Variants in FAM193A observed in about 807,000 individuals in gnomAD.
FAM193A encodes the protein protein FAM193A.
FAM193A carries 22 observed loss-of-function variants against 126.5 expected under a neutral mutation model. That is an observed-to-expected ratio of 0.17 (90% confidence interval 0.12 to 0.25). FAM193A has a LOEUF of 0.25. FAM193A is among the 10% of genes least tolerant of loss of function. The probability of loss-of-function intolerance (pLI) is 1.00; values close to 1 mark genes in which losing one functional copy is unlikely to be tolerated. For synonymous variants in FAM193A, 761 were observed against 646.8 expected (o/e 1.18, Z -2.68); for missense variants, 1,675 against 1,672.8 (o/e 1.00, Z -0.02).
Position 2,731,999 on chromosome 4 carries a change from C to T in FAM193A, c.*131C>T, listed in dbSNP as rs1056826758. 4 of 739,044 alleles carry T rather than the reference C, an allele frequency of 5.4e-6. No homozygotes were observed. The highest frequency in any genetic ancestry group is 4.8e-6 in the Non-Finnish European group (2 of 418,610). 45.8% of individuals were successfully genotyped at this position (739,044 alleles called of 1,614,324 possible). A position where few individuals can be genotyped will look rare whatever the true frequency, so the allele number is the denominator to read the frequency against. ...TGTGCGGAGCTGGTGCTGCCTGAAA[C>T]CCCAGACCGAGAAGTTGATGCTCGG... is the stretch of plus-strand genomic sequence containing the variant. On this transcript the variant is annotated 3_prime_UTR_variant, in exon 21 of 21. Coordinates refer to ENST00000637812, the MANE Select transcript of FAM193A (RefSeq NM_001366318.2).
intron 20 of FAM193A, among the ~76,000 whole-genome samples, chr4:2,721,903 C>T (rs1720206555): frequency 6.6e-6 from 1 of 152,204 alleles, no homozygotes; most frequent in South Asian, 2.1e-4. Flanking sequence ...TGAAGACGAA[C>T]AGACTGTCAC....
chr4:2,669,664 T>TC (rs1419271441), intron 12 of FAM193A, among the ~76,000 whole-genome samples: 10 of 152,170 alleles, frequency 6.6e-5, no homozygotes, highest in African/African-American at 1.9e-4. Flanking sequence ...AGCTTTAGAC[T>TC]CACAGCAAAG....
At chr4:2,685,005 G>A (rs749131286) in intron 13 of FAM193A, among the ~76,000 whole-genome samples, 3 of 152,156 alleles carry the variant, frequency 2.0e-5, no homozygotes, top group South Asian at 2.1e-4. Context: ...AATCTATACC[G>A]GAACCCAAGG....
chr4:2,690,598 G>A, intron 14 of FAM193A, 100 bp from the exon 15 acceptor site: 1 of 1,109,370 alleles, frequency 9.0e-7, no homozygotes, highest in Non-Finnish European at 1.3e-6. Flanking sequence ...GACTTCAGTA[G>A]CACCCCCAGT....
chr4:2,537,687 C>G (rs566608401), intron 1 of FAM193A, among the ~76,000 whole-genome samples: 2 of 152,308 alleles, frequency 1.3e-5, no homozygotes, highest in South Asian at 2.1e-4. Context: ...TTCGTTATTC[C>G]GTGCGCGTGA....
intron 2 of FAM193A, among the ~76,000 whole-genome samples, chr4:2,618,577 G>A (rs973621197): frequency 5.5e-5 from 8 of 144,830 alleles, no homozygotes; most frequent in African/African-American, 2.1e-4. Context: ...ATAGGTGCCC[G>A]CCACCATGCC....
At chr4:2,547,970 A>T (rs1737671599) in intron 1 of FAM193A, among the ~76,000 whole-genome samples, 1 of 151,302 alleles carries the variant, frequency 6.6e-6, no homozygotes, top group Admixed American at 6.6e-5. Flanking sequence ...CATAGTTTTA[A>T]TTTGCATCTC....
At chr4:2,680,657 T>C (rs1277712367) in intron 13 of FAM193A, among the ~76,000 whole-genome samples, 1 of 152,044 alleles carries the variant, frequency 6.6e-6, no homozygotes, top group Admixed American at 6.5e-5. Flanking sequence ...TACTTTTTTT[T>C]TTGAGACGGA....
At chr4:2,633,430 T>G (rs1326880225) in intron 5 of FAM193A, among the ~76,000 whole-genome samples, 7 of 151,490 alleles carry the variant, frequency 4.6e-5, no homozygotes, top group Non-Finnish European at 8.8e-5. Flanking sequence ...AAAAAAGAAA[T>G]AATTTCTTGT....
rs754893806 is a variant in FAM193A, at chr4:2,700,463, G to C, written c.4291G>C (p.Val1431Leu). The change falls in exon 19 of 21, where the codon GTG becomes CTG. Residue 1431 changes from valine (V) to leucine (L), a missense_variant. Val to Leu is a conservative substitution (Grantham distance 32, BLOSUM62 1). Transcript: ENST00000637812. ...PGEHQQNSKLVLAESPQPKGK... is the reference protein window; with the variant it reads ...PGEHQQNSKLLLAESPQPKGK... ...TGAGCATCAGCAGAACAGCAAGCTG[G>C]TGCTGGCAGAGTCCCCTCAGCCAAA... 2 of 1,614,152 alleles carry C rather than the reference G, an allele frequency of 1.2e-6. No individual in the cohort carries two copies. Among genetic ancestry groups the C allele is most frequent in the Admixed American group, 3.3e-5 (2 of 60,022 alleles).
In FAM193A at chr4:2,639,658, G is replaced by A; in HGVS notation, c.1039-77G>A. On this transcript the variant is annotated intron_variant, in intron 5 of 20. Transcript: ENST00000637812. Reference sequence around the variant, plus strand: ...GGTGGGGGGAAATGGGGAGGGGGGAGGGAATCCCTCTGGGAATTTTCTAGT... The same window carrying A: ...GGTGGGGGGAAATGGGGAGGGGGGAAGGAATCCCTCTGGGAATTTTCTAGT... The A allele has an allele frequency of 1.5e-5, 17 of 1,163,194 alleles. No individual in the cohort carries two copies. The South Asian group carries it at 2.4e-4, about 16-fold the overall frequency. 72.1% of individuals were successfully genotyped at this position (1,163,194 alleles called of 1,614,324 possible).
chr4:2,731,440 C>T lies in FAM193A; in HGVS notation c.4455-335C>T, dbSNP rs138354955. On this transcript the variant is annotated intron_variant, in intron 20 of 20. Transcript: ENST00000637812. ...AGTTGAAGTGATTTGCCCTCCTCAG[C>T]CTCCCAAAGTGCTGGGATTACAGGT... is the stretch of plus-strand genomic sequence containing the variant. Among the ~76,000 whole-genome samples, 524 of 152,146 alleles carry T rather than the reference C, an allele frequency of 3.4e-3. 3 individuals are homozygous for T. Among genetic ancestry groups the T allele is most frequent in the African/African-American group, 0.012 (508 of 41,520 alleles).
intron 1 of FAM193A, among the ~76,000 whole-genome samples, chr4:2,594,820 CTTTT>C (rs386399069): frequency 3.5e-4 from 22 of 62,228 alleles, no homozygotes; most frequent in South Asian, 6.5e-4. Flanking sequence ...TTTTCTTTTC[CTTTT>C]TTTTTTTTTT....
chr4:2,631,045 A>G lies in FAM193A; in HGVS notation c.914A>G (p.Lys305Arg), dbSNP rs1743519770. 1.2e-6 allele frequency: 2 copies of G among 1,613,512 alleles called. No homozygotes were observed. Among genetic ancestry groups the G allele is most frequent in the South Asian group, 2.2e-5 (2 of 91,072 alleles). Reference protein sequence around the residue: ...RLLRQLSAAAKVKAPSGLQGP... With the variant: ...RLLRQLSAAARVKAPSGLQGP... Reference sequence around the variant, plus strand: ...CTCCGGCAGCTGTCGGCTGCGGCCAAGGTGAAGGCACCATCTGGCCTGCAG... The same window carrying G: ...CTCCGGCAGCTGTCGGCTGCGGCCAGGGTGAAGGCACCATCTGGCCTGCAG... Residue 305 changes from lysine (K) to arginine (R), a missense_variant, in exon 5 of 21, where the codon AAG becomes AGG. Around this residue, in one of 4 missense-constraint regions of FAM193A, gnomAD observed 1,186 missense variants for 1,109.2 expected, o/e 1.07. Coordinates refer to ENST00000637812, the MANE Select transcript of FAM193A (RefSeq NM_001366318.2).
intron 1 of FAM193A, among the ~76,000 whole-genome samples, chr4:2,567,839 G>A (rs1179976397): frequency 2.6e-5 from 4 of 152,192 alleles, no homozygotes; most frequent in Non-Finnish European, 5.9e-5. Context: ...GCTAGTGACT[G>A]AACAGGGACT....
intron 2 of FAM193A, among the ~76,000 whole-genome samples, chr4:2,618,329 C>G (rs962218371): frequency 3.3e-5 from 5 of 152,280 alleles, no homozygotes; most frequent in Admixed American, 2.6e-4. Flanking sequence ...TATTTCTTCA[C>G]GTAGTCCCCT....
rs893698502 is a variant in FAM193A, at chr4:2,592,377, C to CG, written c.256-3706dup. ...TGTTGGGATTACAGGTGTGAGCCAC[C>CG]GCGCCCAGCCTGCTACATTTATTTT... On this transcript the variant is annotated intron_variant, in intron 1 of 20. Transcript: ENST00000637812. Among the ~76,000 whole-genome samples, 54 of 152,266 alleles carry CG rather than the reference C, an allele frequency of 3.5e-4. 1 individual carries two copies. Among genetic ancestry groups the CG allele is most frequent in the African/African-American group, 1.3e-3 (52 of 41,552 alleles).
chr4:2,538,362 C>T (rs370421423), intron 1 of FAM193A, among the ~76,000 whole-genome samples: 5 of 151,926 alleles, frequency 3.3e-5, no homozygotes, highest in Middle Eastern at 3.4e-3. Flanking sequence ...CCACCATGCC[C>T]GGCTAATTTT....
intron 12 of FAM193A, among the ~76,000 whole-genome samples, chr4:2,664,334 A>G (rs1712839330): frequency 2.0e-5 from 3 of 152,150 alleles, no homozygotes; most frequent in African/African-American, 7.2e-5. Context: ...GGTTTGTCAG[A>G]AGTACCCTAT....
Sources: allele counts gnomAD v4.1 joint callset (sites outside exome capture counted in the v4.1 genomes callset), GRCh38; gene constraint gnomAD v4.1.1; regional missense constraint gnomAD v4.1.1; transcripts MANE v1.5; gene names NCBI Gene and HGNC (gene_info 2026-07-23, HGNC 2026-07-21).